The following ARHGAP18 variants were observed in gnomAD, a reference collection of about 807,000 sequenced individuals.
The protein encoded by ARHGAP18 is Rho GTPase activating protein 18.
In ARHGAP18, 67 loss-of-function variants were observed where a neutral mutation model predicts 86.2. The ratio of observed to expected loss-of-function variants is 0.78; its 90% CI spans 0.64 to 0.95. The LOEUF (loss-of-function observed/expected upper bound fraction) is 0.95, where lower values mean the gene tolerates loss of function less well. Ranked by LOEUF, ARHGAP18 falls within the 40% of genes least tolerant of loss-of-function variation. The probability of loss-of-function intolerance (pLI) is 0.00; values close to 1 mark genes in which losing one functional copy is unlikely to be tolerated. For missense variants in ARHGAP18, 691 were observed against 780.4 expected (o/e 0.89, Z 1.37); for synonymous variants, 283 against 280.4 (o/e 1.01, Z -0.09).
chr6:129,581,178 G>A (rs1788279071), intron 13 of ARHGAP18, among the ~76,000 whole-genome samples: 1 of 152,200 alleles, frequency 6.6e-6, no homozygotes, highest in Non-Finnish European at 1.5e-5. Flanking sequence ...AATCAGGTCT[G>A]ACTTGTATTC....
At chr6:129,602,681 C>A (rs1353488179) in intron 10 of ARHGAP18, among the ~76,000 whole-genome samples, 1 of 152,016 alleles carries the variant, frequency 6.6e-6, no homozygotes, top group African/African-American at 2.4e-5. Flanking sequence ...TTATATAAAA[C>A]AACATGTTCT....
chr6:129,639,216 C>T (rs764113652), intron 2 of ARHGAP18, among the ~76,000 whole-genome samples: 3 of 151,818 alleles, frequency 2.0e-5, no homozygotes, highest in Non-Finnish European at 2.9e-5. Context: ...ACAATATATC[C>T]AGCAAAAAAA....
intron 12 of ARHGAP18, among the ~76,000 whole-genome samples, chr6:129,590,867 T>C (rs1788494979): frequency 6.6e-6 from 1 of 152,192 alleles, no homozygotes; most frequent in Admixed American, 6.5e-5. Flanking sequence ...CTGTAGTGAT[T>C]CATCCCATCC....
At position 129,629,341 on chromosome 6, in the gene ARHGAP18, T is replaced by A; in HGVS notation, c.786+12A>T. ...TACATATATGTATATTTATAAAGAGTGTACTACGTACAGGTAATGTGGCAT... is the reference window on the plus strand; with the variant it reads ...TACATATATGTATATTTATAAAGAGAGTACTACGTACAGGTAATGTGGCAT... On this transcript the variant is annotated intron_variant, in intron 5 of 14. Transcript: ENST00000368149. The A allele has an allele frequency of 6.2e-7, 1 of 1,611,334 alleles. No individual in the cohort carries two copies. Among genetic ancestry groups the A allele is most frequent in the Non-Finnish European group, 8.5e-7 (1 of 1,178,868 alleles).
intron 1 of ARHGAP18, among the ~76,000 whole-genome samples, chr6:129,685,705 G>A (rs534288158): frequency 9.2e-5 from 14 of 151,986 alleles, no homozygotes; most frequent in Admixed American, 3.3e-4. Flanking sequence ...TGCTGATCAC[G>A]GTGATCACTT....
chr6:129,614,064 C>A (rs1352689265), intron 7 of ARHGAP18, among the ~76,000 whole-genome samples: 1 of 152,124 alleles, frequency 6.6e-6, no homozygotes, highest in Non-Finnish European at 1.5e-5. Flanking sequence ...AACAATATTT[C>A]TATTTCCCTC....
At position 129,591,067 on chromosome 6, in the gene ARHGAP18, A is replaced by G. The variant is rs145437253; in HGVS notation, c.1714-6955T>C. On this transcript the variant is annotated intron_variant, in intron 12 of 14. Coordinates refer to ENST00000368149, the MANE Select transcript of ARHGAP18 (RefSeq NM_033515.3). The stretch of plus-strand genomic sequence containing the variant: ...CAAATGATATTTACAAAGATGATAA[A>G]CAATAAATTATGCCAAAGCCATCAT... Among the ~76,000 whole-genome samples, 23 of 152,332 alleles carry G rather than the reference A, an allele frequency of 1.5e-4. No individual in the cohort carries two copies. In the East Asian group the frequency reaches 4.2e-3, roughly 28 times the overall value.
Position 129,626,105 on chromosome 6 carries a change from C to CACACACACACACACAT in ARHGAP18, c.786+3247_786+3248insATGTGTGTGTGTGTGT, listed in dbSNP as rs1425322925. The stretch of plus-strand genomic sequence containing the variant: ...ACACACACACACACACACACACACA[C>CACACACACACACACAT]ATATATAGAAGAAAAGCCTGGAAAC... On this transcript the variant is annotated intron_variant, in intron 5 of 14. Transcript: ENST00000368149. 7.2e-5 allele frequency among the ~76,000 whole-genome samples: 9 copies of CACACACACACACACAT among 124,920 alleles called. 1 individual carries two copies. Among genetic ancestry groups the CACACACACACACACAT allele is most frequent in the African/African-American group, 2.8e-4 (9 of 32,306 alleles). 82.0% of individuals were successfully genotyped at this position (124,920 alleles called of 152,430 possible).
At position 129,654,143 on chromosome 6, in the gene ARHGAP18, C is replaced by T. The variant is rs902733868; in HGVS notation, c.114-12125G>A. ...GAACAGAGCTCATAGGGCAGTGAGG[C>T]CTAACATGAATATGAGGGACGGACA... is the stretch of plus-strand genomic sequence containing the variant. On this transcript the variant is annotated intron_variant, in intron 1 of 14. Transcript: ENST00000368149. 2.6e-5 allele frequency among the ~76,000 whole-genome samples: 4 copies of T among 152,242 alleles called. 1 individual carries two copies. The South Asian group carries it at 8.3e-4, about 32-fold the overall frequency.
At chr6:129,618,333 T>C (rs1584051213) in intron 6 of ARHGAP18, among the ~76,000 whole-genome samples, 2 of 152,328 alleles carry the variant, frequency 1.3e-5, no homozygotes, top group African/African-American at 4.8e-5. Flanking sequence ...CTTAAAGTCA[T>C]TTTTCAAGAT....
chr6:129,682,477 C>A (rs755218552), intron 1 of ARHGAP18, among the ~76,000 whole-genome samples: 2 of 152,156 alleles, frequency 1.3e-5, no homozygotes, highest in Non-Finnish European at 2.9e-5. Flanking sequence ...TAGCTGTCAC[C>A]CACACAGGAT....
At chr6:129,686,860 G>C (rs193119637) in intron 1 of ARHGAP18, among the ~76,000 whole-genome samples, 200 of 146,280 alleles carry the variant, frequency 1.4e-3, no homozygotes, top group Non-Finnish European at 2.4e-3. Flanking sequence ...GCGCGATCTC[G>C]GATCACTGCA....
chr6:129,623,524 A>T (rs557049467), intron 5 of ARHGAP18, among the ~76,000 whole-genome samples: 1 of 152,332 alleles, frequency 6.6e-6, no homozygotes, highest in East Asian at 1.9e-4. Flanking sequence ...TGTGAGGAAA[A>T]GGAAGTGAAT....
intron 1 of ARHGAP18, among the ~76,000 whole-genome samples, chr6:129,676,395 G>A (rs1403647034): frequency 6.6e-6 from 1 of 151,996 alleles, no homozygotes; most frequent in African/African-American, 2.4e-5. Flanking sequence ...TATTCAAGGG[G>A]GTTTAAGGTA....
chr6:129,670,451 T>A (rs1052709422), intron 1 of ARHGAP18, among the ~76,000 whole-genome samples: 1 of 152,172 alleles, frequency 6.6e-6, no homozygotes, highest in African/African-American at 2.4e-5. Flanking sequence ...AATGTGCCCA[T>A]TAAAATGAAA....
At chr6:129,643,536 T>C (rs1475211656) in intron 1 of ARHGAP18, among the ~76,000 whole-genome samples, 1 of 152,158 alleles carries the variant, frequency 6.6e-6, no homozygotes, top group Non-Finnish European at 1.5e-5. Context: ...CCTTTACAAA[T>C]TACCCAGTCT....
intron 1 of ARHGAP18, among the ~76,000 whole-genome samples, chr6:129,651,399 A>T (rs1174909497): frequency 6.6e-6 from 1 of 152,198 alleles, no homozygotes; most frequent in Non-Finnish European, 1.5e-5. Flanking sequence ...TTAAGCACAC[A>T]TTCCATAATT....
At position 129,578,345 on chromosome 6, in the gene ARHGAP18, T is replaced by A; in HGVS notation, c.*168A>T. ...ATAACATTAATAATAATTAATATAA[T>A]TCTGGCAGCAGCACAAATCTATGAC... is the stretch of plus-strand genomic sequence containing the variant. On this transcript the variant is annotated 3_prime_UTR_variant, in exon 15 of 15. Coordinates refer to ENST00000368149, the MANE Select transcript of ARHGAP18 (RefSeq NM_033515.3). 1 of 325,312 alleles carries A rather than the reference T, an allele frequency of 3.1e-6. No individual in the cohort carries two copies. 20.2% of individuals were successfully genotyped at this position (325,312 alleles called of 1,614,324 possible).
At chr6:129,667,016 T>C (rs1584102222) in intron 1 of ARHGAP18, among the ~76,000 whole-genome samples, 1 of 152,204 alleles carries the variant, frequency 6.6e-6, no homozygotes, top group East Asian at 1.9e-4. Context: ...AAATTCAAAG[T>C]CTTATATGGA....
Sources: gnomAD v4.1 joint callset for allele counts (sites outside exome capture counted in the v4.1 genomes callset) on GRCh38, gnomAD v4.1.1 for gene constraint, MANE v1.5 for transcripts, NCBI Gene and HGNC (gene_info 2026-07-23, HGNC 2026-07-21) for gene names.